The following RMC1 variants were observed in gnomAD, a reference collection of about 807,000 sequenced individuals.
RMC1 encodes the protein regulator of MON1-CCZ1 complex.
In RMC1, 44 loss-of-function variants were observed where a neutral mutation model predicts 95.5. The observed-to-expected ratio is 0.46, with a 90% CI of 0.36 to 0.59. The LOEUF (loss-of-function observed/expected upper bound fraction) is 0.59, where lower values mean the gene tolerates loss of function less well. Ranked by LOEUF, RMC1 falls within the 20% of genes least tolerant of loss-of-function variation. The probability of loss-of-function intolerance (pLI) is 0.00; values close to 1 mark genes in which losing one functional copy is unlikely to be tolerated. For missense variants in RMC1, 705 were observed against 819.6 expected (o/e 0.86, Z 1.71); for synonymous variants, 320 against 303.6 (o/e 1.05, Z -0.56).
chr18:23,506,723 T>TA (rs1598838872), intron 2 of RMC1: 1 of 377,278 alleles, frequency 2.7e-6, no homozygotes, highest in Non-Finnish European at 4.9e-6. Context: ...TCTCAGGTGA[T>TA]ATGTGTGTGT....
At chr18:23,528,215 A>C (rs533579174) in intron 14 of RMC1, 1 of 206,840 alleles carries the variant, frequency 4.8e-6, no homozygotes, top group East Asian at 1.2e-4. Flanking sequence ...TCTGCTTTGC[A>C]ATATTTTGTA....
At chr18:23,510,642 G>A (rs893775853) in intron 5 of RMC1, among the ~76,000 whole-genome samples, 3 of 150,208 alleles carry the variant, frequency 2.0e-5, no homozygotes, top group East Asian at 2.0e-4. Flanking sequence ...GCGAGACTCC[G>A]TCTCAAAAAA....
In RMC1 at chr18:23,519,174, G is replaced by A; in HGVS notation, c.849G>A (p.Glu283=). 6.2e-7 allele frequency: 1 copy of A among 1,612,064 alleles called. No homozygotes were observed. Among genetic ancestry groups the A allele is most frequent in the Non-Finnish European group, 8.5e-7 (1 of 1,178,298 alleles). ...NLVVVHHQDT[E]TSVIFDIKLR... is the part of the protein sequence containing the mutation. ...TAGTCGTGCATCATCAGGATACAGA[G>A]GTACAAGCTGTCTGCGTTTCTACCA... Residue 283 remains glutamate (E), a splice_region_variant and synonymous_variant, in exon 9 of 20, where the codon GAG becomes GAA. Coordinates refer to ENST00000269221, the MANE Select transcript of RMC1 (RefSeq NM_013326.5).
chr18:23,524,145 C>A lies in RMC1; in HGVS notation c.977C>A (p.Thr326Asn). 1 of 1,614,088 alleles carries A rather than the reference C, an allele frequency of 6.2e-7. No individual in the cohort carries two copies. Among genetic ancestry groups the A allele is most frequent in the Non-Finnish European group, 8.5e-7 (1 of 1,180,042 alleles). The change falls in exon 11 of 20, where the codon ACC (threonine) becomes AAC (asparagine). Residue 326 changes from threonine (T) to asparagine (N), a missense_variant. By Grantham distance (65) the Thr-to-Asn change is moderately conservative. Coordinates refer to ENST00000269221, the MANE Select transcript of RMC1 (RefSeq NM_013326.5). ...CAATTTGTAGGTCCTGCTGCCGTGACCAGCCAGTCTCCTGTTCCATGTAAA... is the reference window on the plus strand; with the variant it reads ...CAATTTGTAGGTCCTGCTGCCGTGAACAGCCAGTCTCCTGTTCCATGTAAA... ...QIPITGPAAV[T>N]SQSPVPCKLY...
intron 9 of RMC1, among the ~76,000 whole-genome samples, chr18:23,519,407 A>G (rs994482142): frequency 6.6e-6 from 1 of 151,982 alleles, no homozygotes; most frequent in Admixed American, 6.6e-5. Context: ...AGTCCCAGCT[A>G]CTTGTGGGGC....
intron 10 of RMC1, among the ~76,000 whole-genome samples, chr18:23,521,689 C>G (rs1332302898): frequency 1.4e-5 from 1 of 71,478 alleles, no homozygotes. Context: ...AACACACACT[C>G]TCTCTCTTTT....
intron 5 of RMC1, among the ~76,000 whole-genome samples, chr18:23,510,493 C>G (rs1452112239): frequency 6.6e-6 from 1 of 151,858 alleles, no homozygotes; most frequent in African/African-American, 2.4e-5. Context: ...ATTAAAAATA[C>G]AAAAATTAGC....
chr18:23,518,327 CAAAA>C (rs1177162682), intron 7 of RMC1, among the ~76,000 whole-genome samples: 3 of 151,926 alleles, frequency 2.0e-5, no homozygotes, highest in African/African-American at 7.3e-5. Context: ...CCTGTTTCTA[CAAAA>C]AAATTTAAAA....
At chr18:23,528,311 A>G (rs1312709115) in intron 14 of RMC1, 3 of 163,964 alleles carry the variant, frequency 1.8e-5, no homozygotes, top group African/African-American at 7.2e-5. Context: ...CTTTTGGGAA[A>G]GAATCCTGTT....
intron 6 of RMC1, 68 bp downstream of exon 6, chr18:23,516,064 T>C (rs887124629): frequency 2.5e-6 from 4 of 1,602,974 alleles, no homozygotes; most frequent in Non-Finnish European, 3.4e-6. Context: ...AGCATCCTAA[T>C]GTGTCAGGCA....
At chr18:23,509,314 G>T (rs1434940981) in intron 5 of RMC1, 35 bp downstream of exon 5, 15 of 1,091,366 alleles carry the variant, frequency 1.4e-5, no homozygotes, top group Non-Finnish European at 1.9e-5. Context: ...GTTGGTTAAA[G>T]TTCAGTGATA....
chr18:23,529,045 T>A (rs372928584), intron 14 of RMC1, 134 bp from the exon 15 acceptor site: 1 of 1,414,252 alleles, frequency 7.1e-7, no homozygotes, highest in African/African-American at 1.4e-5. Flanking sequence ...GAAAAAGTTG[T>A]ATCTAAGTAG....
chr18:23,528,871 C>A, intron 14 of RMC1: 2 of 242,046 alleles, frequency 8.3e-6, no homozygotes, highest in South Asian at 5.8e-5. Flanking sequence ...ATAATCTGCA[C>A]GGATCTGAAC....
chr18:23,507,667 G>C (rs1033283234), intron 3 of RMC1, among the ~76,000 whole-genome samples: 1 of 152,182 alleles, frequency 6.6e-6, no homozygotes, highest in Non-Finnish European at 1.5e-5. Flanking sequence ...AAGTGTTAAA[G>C]TCTTGGGGAA....
At chr18:23,519,308 A>T in intron 9 of RMC1, 134 bp downstream of exon 9, 1 of 720,110 alleles carries the variant, frequency 1.4e-6, no homozygotes. Context: ...GCTTGAGCCC[A>T]GGAGTTCGAG....
At chr18:23,522,412 C>T (rs1366895103) in intron 10 of RMC1, 2 of 152,028 alleles carry the variant, frequency 1.3e-5, no homozygotes, top group African/African-American at 2.4e-5. Context: ...CACATGTGGC[C>T]CAGGACAGCT....
rs1469863514 is a variant in RMC1, at chr18:23,526,727, A to G, written c.1151A>G (p.Lys384Arg). The G allele has an allele frequency of 6.2e-7, 1 of 1,614,072 alleles. No homozygotes were observed. Among genetic ancestry groups the G allele is most frequent in the Non-Finnish European group, 8.5e-7 (1 of 1,180,042 alleles). ...GRLMDFLLQR[K>R]ECKMVILSVC... The stretch of plus-strand genomic sequence containing the variant: ...CTCATGGACTTTCTCCTCCAGAGAA[A>G]GGAATGCAAGATGGTCATCCTGTCT... The change falls in exon 13 of 20, where the codon AAG becomes AGG. Residue 384 changes from lysine to arginine, a missense_variant. Coordinates refer to ENST00000269221, the MANE Select transcript of RMC1 (RefSeq NM_013326.5).
intron 10 of RMC1, among the ~76,000 whole-genome samples, chr18:23,520,977 CA>C (rs1361077582): frequency 6.6e-6 from 1 of 152,202 alleles, no homozygotes; most frequent in Non-Finnish European, 1.5e-5. Context: ...CTTGGCCTCT[CA>C]AAGTGGTGGG....
rs1555626735 is a variant in RMC1 at position 23,518,987 on chromosome 18, T to TC, written c.743+9dup. 6.2e-7 allele frequency: 1 copy of TC among 1,613,710 alleles called. No individual in the cohort carries two copies. Among genetic ancestry groups the TC allele is most frequent in the Non-Finnish European group, 8.5e-7 (1 of 1,179,578 alleles). On this transcript the variant is annotated intron_variant, in intron 8 of 19. Coordinates refer to ENST00000269221, the MANE Select transcript of RMC1 (RefSeq NM_013326.5). ...CCTCTATCATCTACCACGGTAGATTTCATGCTTTGTTTTCCCTCTCTCTCT... is the reference window on the plus strand; with the variant it reads ...CCTCTATCATCTACCACGGTAGATTTCCATGCTTTGTTTTCCCTCTCTCTCT...
Sources: gnomAD v4.1 joint callset for allele counts (sites outside exome capture counted in the v4.1 genomes callset) on GRCh38, gnomAD v4.1.1 for gene constraint, MANE v1.5 for transcripts, NCBI Gene and HGNC (gene_info 2026-07-23, HGNC 2026-07-21) for gene names.